Variants in PRDX3 observed in about 807,000 individuals in gnomAD.
PRDX3 encodes peroxiredoxin 3, also known as thioredoxin-dependent peroxide reductase, mitochondrial.
In PRDX3, 20 loss-of-function variants were observed where a neutral mutation model predicts 30.4. The observed-to-expected ratio is 0.66, with a 90% CI of 0.46 to 0.96. The LOEUF (loss-of-function observed/expected upper bound fraction) is 0.96, where lower values mean the gene tolerates loss of function less well. Ranked by LOEUF, PRDX3 falls within the 40% of genes least tolerant of loss-of-function variation. PRDX3 has a pLI of 0.00. For missense variants in PRDX3, 322 were observed against 318.3 expected (o/e 1.01, Z -0.09); for synonymous variants, 124 against 117.8 (o/e 1.05, Z -0.34).
chr10:119,177,053 G>A lies in PRDX3; in HGVS notation c.137C>T (p.Ser46Phe). Reference protein sequence around the residue: ...GRTSLTNLLCSGSSQAKLFST... With the variant: ...GRTSLTNLLCFGSSQAKLFST... Reference sequence around the variant, plus strand: ...GAATAATTTTGCTTGACTGGAACCAGAACACAATAAATTTGTCAAGCTCGT... The same window carrying A: ...GAATAATTTTGCTTGACTGGAACCAAAACACAATAAATTTGTCAAGCTCGT... Residue 46 changes from serine (S) to phenylalanine (F), a missense_variant, in exon 2 of 7, where the codon TCT becomes TTT. Transcript: ENST00000298510. 1.2e-6 allele frequency: 2 copies of A among 1,614,098 alleles called. No homozygotes were observed. The highest frequency in any genetic ancestry group is 1.7e-6 in the Non-Finnish European group (2 of 1,179,968).
At chr10:119,175,847 C>T (rs983549217) in intron 2 of PRDX3, among the ~76,000 whole-genome samples, 9 of 150,624 alleles carry the variant, frequency 6.0e-5, no homozygotes, top group Admixed American at 1.3e-4. Context: ...GGCATGGTCT[C>T]GGCTCACTGC....
intron 4 of PRDX3, among the ~76,000 whole-genome samples, 167 bp downstream of exon 4, chr10:119,173,570 T>C (rs1029640043): frequency 2.0e-5 from 3 of 151,508 alleles, no homozygotes; most frequent in Middle Eastern, 3.2e-3. Flanking sequence ...GATTGTGCCA[T>C]TGCACTCCAG....
At chr10:119,176,963 A>T in intron 2 of PRDX3, 58 bp downstream of exon 2, 1 of 1,607,240 alleles carries the variant, frequency 6.2e-7, no homozygotes. Flanking sequence ...CCCTGTCCAG[A>T]GACGATGGTT....
At chr10:119,176,969 T>C (rs1848043496) in intron 2 of PRDX3, 52 bp downstream of exon 2, 19 of 1,609,976 alleles carry the variant, frequency 1.2e-5, no homozygotes, top group Non-Finnish European at 1.6e-5. Context: ...CCAGAGACGA[T>C]GGTTCATTTT....
intron 3 of PRDX3, 126 bp from the exon 4 acceptor site, chr10:119,173,998 G>C: frequency 2.3e-6 from 2 of 888,248 alleles, no homozygotes; most frequent in Non-Finnish European, 1.7e-6. Context: ...ATCCTCACTG[G>C]ACTATAGTGT....
intron 1 of PRDX3, 115 bp from the exon 2 acceptor site, chr10:119,177,268 A>C (rs1027499478): frequency 1.2e-5 from 12 of 1,000,800 alleles, no homozygotes; most frequent in African/African-American, 1.1e-4. Context: ...CAAATAGCAA[A>C]CCCCAAACTC....
At position 119,168,435 on chromosome 10, in the gene PRDX3, G is replaced by A; in HGVS notation, c.*45C>T. 1.2e-6 allele frequency: 2 copies of A among 1,610,142 alleles called. No homozygotes were observed. On this transcript the variant is annotated 3_prime_UTR_variant, in exon 7 of 7. Coordinates refer to ENST00000298510, the MANE Select transcript of PRDX3 (RefSeq NM_006793.5). ...AAAATGATAAAAGCAGGTTTCAACT[G>A]TGGTTCTTCTCTCAGTTGAGAAGGT...
chr10:119,178,109 C>T (rs1222575564), intron 1 of PRDX3, among the ~76,000 whole-genome samples: 1 of 151,880 alleles, frequency 6.6e-6, no homozygotes, highest in Non-Finnish European at 1.5e-5. Context: ...GTGATCTGCC[C>T]GCCTCGGCCT....
Position 119,168,259 on chromosome 10 carries a change from C to G in PRDX3, c.*221G>C, listed in dbSNP as rs530292194. ...TGTTCTGTAGAAACTAGCTAGCCAG[C>G]CACCAAGATGTTACCAATAAAGGAT... is the stretch of plus-strand genomic sequence containing the variant. On this transcript the variant is annotated 3_prime_UTR_variant, in exon 7 of 7. Coordinates refer to ENST00000298510, the MANE Select transcript of PRDX3 (RefSeq NM_006793.5). 70 of 874,954 alleles carry G rather than the reference C, an allele frequency of 8.0e-5. 2 individuals are homozygous for G. The South Asian group carries it at 1.3e-3, about 16-fold the overall frequency. 54.2% of individuals were successfully genotyped at this position (874,954 alleles called of 1,614,324 possible). A position where few individuals can be genotyped will look rare whatever the true frequency, so the allele number is the denominator to read the frequency against.
chr10:119,169,499 T>G (rs1206540317), intron 5 of PRDX3, 157 bp from the exon 6 acceptor site: 1 of 612,750 alleles, frequency 1.6e-6, no homozygotes, highest in African/African-American at 1.9e-5. Context: ...TGCAAAAAAC[T>G]TATCATCTCT....
chr10:119,172,066 A>G (rs1847919433), intron 5 of PRDX3, among the ~76,000 whole-genome samples: 1 of 152,228 alleles, frequency 6.6e-6, no homozygotes, highest in Admixed American at 6.5e-5. Flanking sequence ...GAGACCGCCA[A>G]CCCTTGCAGG....
At position 119,168,437 on chromosome 10, in the gene PRDX3, G is replaced by C; in HGVS notation, c.*43C>G. On this transcript the variant is annotated 3_prime_UTR_variant, in exon 7 of 7. Transcript: ENST00000298510. ...AATGATAAAAGCAGGTTTCAACTGT[G>C]GTTCTTCTCTCAGTTGAGAAGGTGC... 4 of 1,609,952 alleles carry C rather than the reference G, an allele frequency of 2.5e-6. No individual in the cohort carries two copies. Among genetic ancestry groups the C allele is most frequent in the East Asian group, 2.2e-5 (1 of 44,820 alleles).
intron 3 of PRDX3, 98 bp from the exon 4 acceptor site, chr10:119,173,970 A>C: frequency 7.7e-7 from 1 of 1,290,534 alleles, no homozygotes; most frequent in Non-Finnish European, 1.1e-6. Context: ...AAGGGTAAAA[A>C]AGGCAAAATG....
chr10:119,169,026 C>G (rs1589659306), intron 6 of PRDX3, 151 bp downstream of exon 6: 2 of 814,042 alleles, frequency 2.5e-6, no homozygotes, highest in Non-Finnish European at 3.9e-6. Flanking sequence ...GCTCCCCACC[C>G]CACCCCCTCT....
At chr10:119,178,182 T>C (rs370392576) in intron 1 of PRDX3, among the ~76,000 whole-genome samples, 14 of 152,170 alleles carry the variant, frequency 9.2e-5, no homozygotes, top group Admixed American at 7.9e-4. Flanking sequence ...AACTTTAATG[T>C]TCAAAATGAC....
chr10:119,172,249 C>T, intron 5 of PRDX3, 133 bp downstream of exon 5: 1 of 741,392 alleles, frequency 1.3e-6, no homozygotes, highest in Non-Finnish European at 2.3e-6. Context: ...CGATTACAGG[C>T]ATGAGCCACC....
In PRDX3 at chr10:119,169,237, G is replaced by C. The variant is rs1847845491; in HGVS notation, c.657C>G (p.Phe219Leu). 1.9e-6 allele frequency: 3 copies of C among 1,613,382 alleles called. No individual in the cohort carries two copies. Among genetic ancestry groups the C allele is most frequent in the Non-Finnish European group, 2.5e-6 (3 of 1,180,012 alleles). Residue 219 changes from phenylalanine to leucine, a missense_variant, in exon 6 of 7, where the codon TTC becomes TTG. Transcript: ENST00000298510. ...VEETLRLVKA[F>L]QYVETHGEVC... ...CTTCTCCATGTGTTTCTACATACTG[G>C]AACGCCTTCACCAAGCGGAGGGTTT...
intron 4 of PRDX3, 87 bp from the exon 5 acceptor site, chr10:119,172,572 C>T (rs766391925): frequency 2.0e-5 from 22 of 1,087,452 alleles, no homozygotes; most frequent in Middle Eastern, 2.0e-4. Flanking sequence ...CCAACAGTAA[C>T]GGCGATAGGT....
chr10:119,175,789 T>TG (rs1359415780), intron 2 of PRDX3, among the ~76,000 whole-genome samples: 1 of 148,782 alleles, frequency 6.7e-6, no homozygotes, highest in African/African-American at 2.5e-5. Flanking sequence ...AGTGATTTTT[T>TG]TTTTTTTGAG....
Sources: gnomAD v4.1 joint callset for allele counts (sites outside exome capture counted in the v4.1 genomes callset) on GRCh38, gnomAD v4.1.1 for gene constraint, MANE v1.5 for transcripts, NCBI Gene and HGNC (gene_info 2026-07-23, HGNC 2026-07-21) for gene names.